The following EMD variants were observed in gnomAD, a reference collection of about 807,000 sequenced individuals.
EMD encodes emerin.
In EMD, 2 loss-of-function variants were observed where a neutral mutation model predicts 15.2. The ratio of observed to expected loss-of-function variants is 0.13; its 90% CI spans 0.05 to 0.41. The LOEUF is 0.41. EMD is among the 10% of genes least tolerant of loss of function. The pLI is 0.99. For synonymous variants in EMD, 122 were observed against 86.2 expected (o/e 1.42, Z -2.30); for missense variants, 224 against 213.4 (o/e 1.05, Z -0.31).
rs104894806 is a variant in EMD, at chrX:154,380,979, C to T, written c.547C>T (p.Pro183Ser). ...SRSSLDLSYY[P>S]TSSSTSFMSS... Reference sequence around the variant, plus strand: ...GAGCTCCCTGGACCTGTCCTATTATCCTACTTCCTCCTCCACCTCTTTTAT... The same window carrying T: ...GAGCTCCCTGGACCTGTCCTATTATTCTACTTCCTCCTCCACCTCTTTTAT... Residue 183 changes from proline (P) to serine (S), a missense_variant, in exon 6 of 6, where the codon CCT (proline) becomes TCT (serine). By Grantham distance (74) the Pro-to-Ser change is moderately conservative. Transcript: ENST00000369842. The T allele has an allele frequency of 8.3e-7, 1 of 1,211,476 alleles. No individual in the cohort carries two copies. Among genetic ancestry groups the T allele is most frequent in the Non-Finnish European group, 1.1e-6 (1 of 895,469 alleles).
chrX:154,380,321 G>A lies in EMD; in HGVS notation c.353G>A (p.Arg118His), dbSNP rs782201984. Residue 118 changes from arginine (R) to histidine (H), a missense_variant, in exon 4 of 6, where the codon CGC (arginine) becomes CAC (histidine). Arg to His is a conservative substitution (Grantham distance 29, BLOSUM62 0). Transcript: ENST00000369842. Reference sequence around the variant, plus strand: ...TCTGCCGGCCCGTCCAGGGCTGTCCGCCAGTCAGTGACTTCATTCCCAGAT... The same window carrying A: ...TCTGCCGGCCCGTCCAGGGCTGTCCACCAGTCAGTGACTTCATTCCCAGAT... The part of the protein sequence containing the change: ...PESAGPSRAV[R>H]QSVTSFPDAD... 52 of 1,210,191 alleles carry A rather than the reference G, an allele frequency of 4.3e-5. No individual in the cohort carries two copies. Among genetic ancestry groups the A allele is most frequent in the Non-Finnish European group, 5.1e-5 (46 of 895,364 alleles).
At position 154,379,302 on chromosome X, in the gene EMD, G is replaced by T; in HGVS notation, c.-183G>T. 2.2e-6 allele frequency: 1 copy of T among 448,983 alleles called. No individual in the cohort carries two copies. Among genetic ancestry groups the T allele is most frequent in the Non-Finnish European group, 3.6e-6 (1 of 280,106 alleles). The allele number at this position is 448,983 out of a possible 1,213,427, so 37.0% of individuals were successfully genotyped here. ...GCCCCGCGCAGCGCGCGCAGCCTGC[G>T]GAGCCAGCGGCCGTGACGCGACAAC... On this transcript the variant is annotated 5_prime_UTR_variant, in exon 1 of 6. Coordinates refer to ENST00000369842, the MANE Select transcript of EMD (RefSeq NM_000117.3).
Position 154,379,929 on chromosome X carries a change from C to T in EMD, c.188-13C>T, listed in dbSNP as rs782141516. On this transcript the variant is annotated splice_polypyrimidine_tract_variant and intron_variant, in intron 2 of 5. Coordinates refer to ENST00000369842, the MANE Select transcript of EMD (RefSeq NM_000117.3). ...GGGGGGGCAAACAGTTCTGTCTCCTCCTTTCAATCCAGACTTGAATTCGAC... is the reference window on the plus strand; with the variant it reads ...GGGGGGGCAAACAGTTCTGTCTCCTTCTTTCAATCCAGACTTGAATTCGAC... 8 of 1,208,730 alleles carry T rather than the reference C, an allele frequency of 6.6e-6. No individual in the cohort carries two copies. The highest frequency in any genetic ancestry group is 6.5e-5 in the Admixed American group (3 of 46,040).
Position 154,381,272 on chromosome X carries a change from TG to T in EMD, c.*80del. On this transcript the variant is annotated 3_prime_UTR_variant, in exon 6 of 6. Coordinates refer to ENST00000369842, the MANE Select transcript of EMD (RefSeq NM_000117.3). ...TGGCTGACTGCCTTAGCAGTGGGGG[TG>T]GGGGTGGGGGCAGGGGCAGGGGCTT... 2 of 38,375 alleles carry T rather than the reference TG, an allele frequency of 5.2e-5. No individual in the cohort carries two copies. The highest frequency in any genetic ancestry group is 1.0e-4 in the Non-Finnish European group (2 of 19,592). 3.2% of individuals were successfully genotyped at this position (38,375 alleles called of 1,213,427 possible).
In EMD at chrX:154,381,167, C is replaced by T. The variant is rs782312045; in HGVS notation, c.735C>T (p.Phe245=). 4 of 1,210,244 alleles carry T rather than the reference C, an allele frequency of 3.3e-6. No individual in the cohort carries two copies. The highest frequency in any genetic ancestry group is 2.2e-6 in the Non-Finnish European group (2 of 895,231). ...FVIVLFFIYH[F]MQAEEGNPF is the part of the protein sequence containing the mutation. ...TCGTCCTCTTCTTCATTTACCACTT[C>T]ATGCAGGCTGAAGAAGGCAACCCCT... The change falls in exon 6 of 6, where the codon TTC becomes TTT. Residue 245 remains phenylalanine, a synonymous_variant. Coordinates refer to ENST00000369842, the MANE Select transcript of EMD (RefSeq NM_000117.3).
chrX:154,379,728 T>C lies in EMD; in HGVS notation c.121T>C (p.Tyr41His), dbSNP rs1466415445. The C allele has an allele frequency of 1.7e-6, 2 of 1,207,611 alleles. No homozygotes were observed. The highest frequency in any genetic ancestry group is 2.2e-6 in the Non-Finnish European group (2 of 894,498). ...RRLYEKKIFE[Y>H]ETQRRRLSPP... is the part of the protein sequence containing the mutation. The stretch of plus-strand genomic sequence containing the variant: ...GCTTTACGAGAAGAAGATCTTCGAG[T>C]ACGAGACCCAGAGGCGGCGGCTCTC... Residue 41 changes from tyrosine to histidine, a missense_variant, in exon 2 of 6, where the codon TAC becomes CAC. Physicochemically the swap from Tyr to His is moderately conservative, Grantham distance 83. Transcript: ENST00000369842.
At position 154,381,511 on chromosome X, in the gene EMD, C is replaced by T. The variant is rs980393805; in HGVS notation, c.*314C>T. 20 of 281,832 alleles carry T rather than the reference C, an allele frequency of 7.1e-5. No homozygotes were observed. Among genetic ancestry groups the T allele is most frequent in the Non-Finnish European group, 1.1e-4 (18 of 160,525 alleles). 23.2% of individuals were successfully genotyped at this position (281,832 alleles called of 1,213,427 possible). On this transcript the variant is annotated 3_prime_UTR_variant, in exon 6 of 6. Transcript: ENST00000369842. ...TTTTGTGGACACACAATAAAAGCCC[C>T]GTTTATTTGTAATGCGTTGGCTCTT...
rs1557182386 is a variant in EMD at position 154,380,033 on chromosome X, T to C, written c.265+14T>C. 6 of 1,208,533 alleles carry C rather than the reference T, an allele frequency of 5.0e-6. No homozygotes were observed. Among genetic ancestry groups the C allele is most frequent in the Non-Finnish European group, 6.7e-6 (6 of 892,547 alleles). On this transcript the variant is annotated intron_variant, in intron 3 of 5. Transcript: ENST00000369842. Reference sequence around the variant, plus strand: ...ACCAGAGCAAGGGTAAGGCAGGGGTTGGGTGGGCACGCTGGCACCTTCACC... The same window carrying C: ...ACCAGAGCAAGGGTAAGGCAGGGGTCGGGTGGGCACGCTGGCACCTTCACC...
rs781952637 is a variant in EMD, at chrX:154,381,011, C to T, written c.579C>T (p.Ser193=). The change falls in exon 6 of 6, where the codon TCC becomes TCT. Residue 193 remains serine, a synonymous_variant. Coordinates refer to ENST00000369842, the MANE Select transcript of EMD (RefSeq NM_000117.3). ...CCTCCTCCACCTCTTTTATGTCCTC[C>T]TCATCATCTTCCTCTTCATGGCTCA... ...PTSSSTSFMS[S]SSSSSSWLTR... is the part of the protein sequence containing the mutation. 4 of 1,211,963 alleles carry T rather than the reference C, an allele frequency of 3.3e-6. No individual in the cohort carries two copies. The highest frequency in any genetic ancestry group is 2.2e-6 in the Non-Finnish European group (2 of 895,573).
Position 154,379,347 on chromosome X carries a change from A to C in EMD, c.-138A>C. 1 of 615,655 alleles carries C rather than the reference A, an allele frequency of 1.6e-6. No individual in the cohort carries two copies. Among genetic ancestry groups the C allele is most frequent in the Non-Finnish European group, 2.4e-6 (1 of 413,744 alleles). 50.7% of individuals were successfully genotyped at this position (615,655 alleles called of 1,213,427 possible). A position where few individuals can be genotyped will look rare whatever the true frequency, so the allele number is the denominator to read the frequency against. On this transcript the variant is annotated 5_prime_UTR_variant, in exon 1 of 6. Coordinates refer to ENST00000369842, the MANE Select transcript of EMD (RefSeq NM_000117.3). Reference sequence around the variant, plus strand: ...GACAACGATTCGGCTGTGACGCGACAACGATTCGGCTGTGACGCGAGCGCG... The same window carrying C: ...GACAACGATTCGGCTGTGACGCGACCACGATTCGGCTGTGACGCGAGCGCG...
rs782559230 is a variant in EMD, at chrX:154,381,103, C to G, written c.671C>G (p.Pro224Arg). The G allele has an allele frequency of 1.7e-6, 2 of 1,210,608 alleles. No individual in the cohort carries two copies. Among genetic ancestry groups the G allele is most frequent in the Non-Finnish European group, 1.1e-6 (1 of 895,191 alleles). The change falls in exon 6 of 6, where the codon CCG becomes CGG. Residue 224 changes from proline to arginine, a missense_variant. By Grantham distance (103) the Pro-to-Arg change is moderately radical (BLOSUM62 -2). Coordinates refer to ENST00000369842, the MANE Select transcript of EMD (RefSeq NM_000117.3). The part of the protein sequence containing the change: ...GAGLGQDRQV[P>R]LWGQLLLFLV... ...GGGCTGGGCCAGGATCGCCAGGTCC[C>G]GCTCTGGGGCCAGCTGCTGCTTTTC... is the stretch of plus-strand genomic sequence containing the variant.
intron 4 of EMD, 166 bp downstream of exon 4, chrX:154,380,533 C>A: frequency 2.2e-6 from 2 of 921,639 alleles, no homozygotes; most frequent in Non-Finnish European, 3.0e-6. Context: ...CAGACTCTTC[C>A]TGAGAGTCCT....
Position 154,380,744 on chromosome X carries a change from C to T in EMD, c.400-9C>T, listed in dbSNP as rs782061626. 152 of 1,210,356 alleles carry T rather than the reference C, an allele frequency of 1.3e-4. No individual in the cohort carries two copies. Among genetic ancestry groups the T allele is most frequent in the Non-Finnish European group, 1.6e-4 (142 of 895,273 alleles). ...CAGCCAGTCCCCTCGCCCTGACTCTCTTCTGCAGGTGCATGATGACGATCT... is the reference window on the plus strand; with the variant it reads ...CAGCCAGTCCCCTCGCCCTGACTCTTTTCTGCAGGTGCATGATGACGATCT... On this transcript the variant is annotated splice_polypyrimidine_tract_variant and intron_variant, in intron 4 of 5. Coordinates refer to ENST00000369842, the MANE Select transcript of EMD (RefSeq NM_000117.3).
chrX:154,379,703 G>A lies in EMD; in HGVS notation c.96G>A (p.Arg32=). 1.7e-6 allele frequency: 2 copies of A among 1,209,867 alleles called. No homozygotes were observed. The highest frequency in any genetic ancestry group is 2.2e-6 in the Non-Finnish European group (2 of 894,880). The stretch of plus-strand genomic sequence containing the variant: ...GTGTCCGGCCAGGATCAACTCGTAG[G>A]CTTTACGAGAAGAAGATCTTCGAGT... ...PHGPVVGSTR[R]LYEKKIFEYE... Residue 32 remains arginine, a synonymous_variant, in exon 2 of 6, where the codon AGG becomes AGA. Transcript: ENST00000369842.
chrX:154,379,661 G>A, intron 1 of EMD, 29 bp from the exon 2 acceptor site: 1 of 1,204,650 alleles, frequency 8.3e-7, no homozygotes, highest in Non-Finnish European at 1.1e-6. Flanking sequence ...TCCCCGGCCC[G>A]CGGCCCTGAC....
Position 154,380,259 on chromosome X carries a change from G to A in EMD, c.291G>A (p.Glu97=). 1 of 1,211,389 alleles carries A rather than the reference G, an allele frequency of 8.3e-7. No homozygotes were observed. The highest frequency in any genetic ancestry group is 1.1e-6 in the Non-Finnish European group (1 of 895,593). ...SKGYNDDYYE[E]SYFTTRTYGE... ...GCTACAATGACGACTACTATGAAGA[G>A]AGCTACTTCACCACCAGGACTTATG... The change falls in exon 4 of 6, where the codon GAG becomes GAA. Residue 97 remains glutamate, a synonymous_variant. Transcript: ENST00000369842.
Position 154,379,618 on chromosome X carries a change from TCGCGACCTCCCCGCTGCCCTCCCCG to T in EMD, c.82+57_83-43del, listed in dbSNP as rs781876944. 3.2e-5 allele frequency: 38 copies of T among 1,191,339 alleles called. No individual in the cohort carries two copies. The South Asian group carries it at 6.8e-4, about 21-fold the overall frequency. On this transcript the variant is annotated intron_variant, in intron 1 of 5. Coordinates refer to ENST00000369842, the MANE Select transcript of EMD (RefSeq NM_000117.3). ...CCGGGCCCCCTCCTCGTGCTCCGCCTCGCGACCTCCCCGCTGCCCTCCCCGCGCGCCTTCCCCGGCCCGCGGCCCT... is the reference window on the plus strand; with the variant it reads ...CCGGGCCCCCTCCTCGTGCTCCGCCTCGCGCCTTCCCCGGCCCGCGGCCCT...
Position 154,379,354 on chromosome X carries a change from C to A in EMD, c.-131C>A. On this transcript the variant is annotated 5_prime_UTR_variant, in exon 1 of 6. Transcript: ENST00000369842. ...ATTCGGCTGTGACGCGACAACGATT[C>A]GGCTGTGACGCGAGCGCGGCCGCTC... 1 of 647,074 alleles carries A rather than the reference C, an allele frequency of 1.5e-6. No homozygotes were observed. The highest frequency in any genetic ancestry group is 2.3e-6 in the Non-Finnish European group (1 of 437,380). 53.3% of individuals were successfully genotyped at this position (647,074 alleles called of 1,213,427 possible).
chrX:154,379,830 G>A (rs376388098), intron 2 of EMD, 36 bp downstream of exon 2: 2 of 1,178,170 alleles, frequency 1.7e-6, no homozygotes, highest in Admixed American at 2.2e-5. Flanking sequence ...CCTGGGACGC[G>A]GGGAGGATGG....
Sources: allele counts gnomAD v4.1 joint callset, GRCh38; gene constraint gnomAD v4.1.1; transcripts MANE v1.5; gene names NCBI Gene and HGNC (gene_info 2026-07-23, HGNC 2026-07-21).